ARIH1: variants seen among roughly 807,000 people sequenced by gnomAD.
ARIH1 encodes ariadne RBR E3 ubiquitin protein ligase 1, also known as E3 ubiquitin-protein ligase ARIH1.
A neutral mutation model predicts 85.0 loss-of-function variants in ARIH1; 8 were observed. That is an observed-to-expected ratio of 0.09 (90% confidence interval 0.06 to 0.17). The LOEUF is 0.17. Among genes scored for constraint, ARIH1 ranks in the 10% least tolerant of loss-of-function variants. ARIH1 has a pLI of 1.00. For synonymous variants in ARIH1, 238 were observed against 253.6 expected, an observed-to-expected ratio of 0.94 and a Z score of 0.59; for missense variants, 311 against 718.1, an observed-to-expected ratio of 0.43 and a Z score of 6.48.
chr15:72,520,416 T>C (rs1420688495), intron 2 of ARIH1, among the ~76,000 whole-genome samples: 1 of 152,040 alleles, frequency 6.6e-6, no homozygotes, highest in East Asian at 1.9e-4. Flanking sequence ...TATTCAACCT[T>C]TCTGGGTTTT....
At position 72,584,534 on chromosome 15, in the gene ARIH1, A is replaced by G. The variant is rs2064308171; in HGVS notation, c.*1242A>G. ...AAAGAGAATGTTTTGCTTTAAATATAAATAGCCATTCATTTAGTCTCAGAT... is the reference window on the plus strand; with the variant it reads ...AAAGAGAATGTTTTGCTTTAAATATGAATAGCCATTCATTTAGTCTCAGAT... On this transcript the variant is annotated 3_prime_UTR_variant, in exon 14 of 14. Coordinates refer to ENST00000379887, the MANE Select transcript of ARIH1 (RefSeq NM_005744.5). 1 of 152,174 alleles carries G rather than the reference A, an allele frequency of 6.6e-6. No individual in the cohort carries two copies. The highest frequency in any genetic ancestry group is 6.5e-5 in the Admixed American group (1 of 15,276). 9.4% of individuals were successfully genotyped at this position (152,174 alleles called of 1,614,324 possible). A position where few individuals can be genotyped will look rare whatever the true frequency, so the allele number is the denominator to read the frequency against.
At position 72,580,796 on chromosome 15, in the gene ARIH1, C is replaced by T; in HGVS notation, c.1281C>T (p.Ser427=). Residue 427 remains serine (S), a synonymous_variant, in exon 12 of 14, where the codon AGC becomes AGT. Transcript: ENST00000379887. ...ATCGCTATATGAACCACATGCAGAGCCTGCGCTTTGAGCACAAACTATATG... is the reference window on the plus strand; with the variant it reads ...ATCGCTATATGAACCACATGCAGAGTCTGCGCTTTGAGCACAAACTATATG... The part of the protein sequence containing the change: ...YCNRYMNHMQ[S]LRFEHKLYAQ... 1.2e-6 allele frequency: 2 copies of T among 1,614,082 alleles called. No homozygotes were observed. Among genetic ancestry groups the T allele is most frequent in the Non-Finnish European group, 8.5e-7 (1 of 1,179,978 alleles).
chr15:72,489,400 TGAG>T (rs1375633470), intron 1 of ARIH1, among the ~76,000 whole-genome samples: 1 of 152,086 alleles, frequency 6.6e-6, no homozygotes, highest in Admixed American at 6.6e-5. Flanking sequence ...TGCAGGGCAA[TGAG>T]GAGGTAAAAC....
intron 2 of ARIH1, among the ~76,000 whole-genome samples, chr15:72,526,279 C>T (rs1243244279): frequency 1.3e-5 from 2 of 152,072 alleles, no homozygotes; most frequent in African/African-American, 4.8e-5. Flanking sequence ...AAGCCATAGT[C>T]CCTGCCCTGG....
At chr15:72,490,883 C>T (rs979804808) in intron 1 of ARIH1, among the ~76,000 whole-genome samples, 21 of 151,996 alleles carry the variant, frequency 1.4e-4, no homozygotes, top group African/African-American at 4.8e-4. Context: ...TTTGGGAGGC[C>T]GAGGTGGGCA....
intron 2 of ARIH1, among the ~76,000 whole-genome samples, chr15:72,520,747 T>A (rs1430697866): frequency 6.6e-6 from 1 of 152,246 alleles, no homozygotes; most frequent in Non-Finnish European, 1.5e-5. Context: ...CTTGAAGTTT[T>A]AATCCATCCT....
intron 6 of ARIH1, among the ~76,000 whole-genome samples, chr15:72,562,931 C>T (rs1401919053): frequency 1.3e-5 from 2 of 148,262 alleles, no homozygotes; most frequent in African/African-American, 4.9e-5. Context: ...TGAAGTGTTG[C>T]TATAGAAGAC....
intron 1 of ARIH1, among the ~76,000 whole-genome samples, chr15:72,504,283 G>A (rs1299754013): frequency 6.6e-6 from 1 of 152,082 alleles, no homozygotes; most frequent in African/African-American, 2.4e-5. Flanking sequence ...TCGAGCTTCT[G>A]ACCTCAGGTT....
At chr15:72,488,418 T>A (rs1413208081) in intron 1 of ARIH1, among the ~76,000 whole-genome samples, 1 of 152,176 alleles carries the variant, frequency 6.6e-6, no homozygotes, top group East Asian at 1.9e-4. Context: ...CTATTGAGAA[T>A]CTGCCAGGCT....
intron 5 of ARIH1, among the ~76,000 whole-genome samples, chr15:72,557,727 G>T (rs954798082): frequency 1.3e-5 from 2 of 152,166 alleles, no homozygotes; most frequent in African/African-American, 2.4e-5. Flanking sequence ...TTTGTATATG[G>T]TGAAAGATAT....
At chr15:72,541,505 A>G (rs1308651125) in intron 2 of ARIH1, among the ~76,000 whole-genome samples, 1 of 152,208 alleles carries the variant, frequency 6.6e-6, no homozygotes, top group Non-Finnish European at 1.5e-5. Flanking sequence ...ATATAATTGT[A>G]GTAAAAGTTC....
In ARIH1 at chr15:72,518,143, C is replaced by T; in HGVS notation, c.443+9C>T. 1 of 1,595,316 alleles carries T rather than the reference C, an allele frequency of 6.3e-7. No homozygotes were observed. Among genetic ancestry groups the T allele is most frequent in the African/African-American group, 1.3e-5 (1 of 74,532 alleles). ...GAGAAGCTAATGGAAAGGTAAGGAA[C>T]TATATTGTCAGCTTTGTACTTAGAA... On this transcript the variant is annotated intron_variant, in intron 2 of 13. Transcript: ENST00000379887.
At chr15:72,498,377 A>G (rs1011955187) in intron 1 of ARIH1, among the ~76,000 whole-genome samples, 6 of 152,230 alleles carry the variant, frequency 3.9e-5, no homozygotes, top group Non-Finnish European at 5.9e-5. Flanking sequence ...ATTTTCTAAT[A>G]TAACCATATC....
At chr15:72,478,004 C>T (rs1023366645) in intron 1 of ARIH1, among the ~76,000 whole-genome samples, 1 of 152,172 alleles carries the variant, frequency 6.6e-6, no homozygotes, top group Non-Finnish European at 1.5e-5. Flanking sequence ...CAGGGTTTCC[C>T]CATGTTCATC....
At chr15:72,533,603 A>G (rs1403840270) in intron 2 of ARIH1, among the ~76,000 whole-genome samples, 2 of 152,236 alleles carry the variant, frequency 1.3e-5, no homozygotes, top group African/African-American at 2.4e-5. Flanking sequence ...TCCAATAGAA[A>G]GAAATACGTG....
chr15:72,543,530 T>C (rs2064116780), intron 2 of ARIH1, among the ~76,000 whole-genome samples: 1 of 152,208 alleles, frequency 6.6e-6, no homozygotes, highest in Admixed American at 6.5e-5. Flanking sequence ...CATTGAACTA[T>C]GCTGTAGTCA....
chr15:72,564,714 C>T (rs753137010), intron 7 of ARIH1, among the ~76,000 whole-genome samples: 3 of 152,132 alleles, frequency 2.0e-5, no homozygotes, highest in Non-Finnish European at 4.4e-5. Context: ...TCTTACAGTT[C>T]TTAAGGGTGA....
chr15:72,520,323 A>G (rs1325742451), intron 2 of ARIH1, among the ~76,000 whole-genome samples: 1 of 151,174 alleles, frequency 6.6e-6, no homozygotes, highest in East Asian at 1.9e-4. Flanking sequence ...TTCACATTAT[A>G]TTTTATGTTG....
At chr15:72,558,077 G>A (rs768347637) in intron 5 of ARIH1, among the ~76,000 whole-genome samples, 1 of 152,148 alleles carries the variant, frequency 6.6e-6, no homozygotes, top group African/African-American at 2.4e-5. Context: ...CCAGTACTAT[G>A]TTGAATAGGA....
Sources: gnomAD v4.1 joint callset for allele counts (sites outside exome capture counted in the v4.1 genomes callset) on GRCh38, gnomAD v4.1.1 for gene constraint, MANE v1.5 for transcripts, NCBI Gene and HGNC (gene_info 2026-07-23, HGNC 2026-07-21) for gene names.